The following PDE4D variants were observed in gnomAD, a reference collection of about 807,000 sequenced individuals.
The protein encoded by PDE4D is phosphodiesterase 4D.
In PDE4D, 24 loss-of-function variants were observed where a neutral mutation model predicts 87.4. The ratio of observed to expected loss-of-function variants is 0.27; its 90% CI spans 0.20 to 0.39. PDE4D has a LOEUF of 0.39. Ranked by LOEUF, PDE4D falls within the 10% of genes least tolerant of loss-of-function variation. The pLI is 1.00. For synonymous variants in PDE4D, 384 were observed against 383.2 expected (o/e 1.00, Z -0.02); for missense variants, 714 against 1,041.0 (o/e 0.69, Z 4.32).
chr5:59,883,386 G>A (rs372149287), intron 1 of PDE4D, among the ~76,000 whole-genome samples: 1 of 152,150 alleles, frequency 6.6e-6, no homozygotes, highest in Non-Finnish European at 1.5e-5. Context: ...GAAGAATGCA[G>A]CTTCTTTTAA....
chr5:59,252,537 T>TC (rs57348024), intron 1 of PDE4D, among the ~76,000 whole-genome samples: 4 of 151,464 alleles, frequency 2.6e-5, no homozygotes, highest in Admixed American at 1.3e-4. Flanking sequence ...GTTTTTTTTT[T>TC]CCCCGAGATG....
intron 6 of PDE4D, 90 bp from the exon 7 acceptor site, chr5:58,993,555 C>A: frequency 1.3e-6 from 1 of 775,610 alleles, no homozygotes; most frequent in Non-Finnish European, 2.1e-6. Context: ...AAGATATGCC[C>A]AAAGAATTTT....
intron 1 of PDE4D, among the ~76,000 whole-genome samples, chr5:59,346,091 GAAATA>G (rs148977895): frequency 0.12 from 18,197 of 152,028 alleles, 1,258 homozygotes; most frequent in East Asian, 0.21. Flanking sequence ...AATATTGACT[GAAATA>G]AAATAAGAGT....
intron 1 of PDE4D, among the ~76,000 whole-genome samples, chr5:60,198,487 T>C (rs1741540735): frequency 6.6e-6 from 1 of 151,628 alleles, no homozygotes; most frequent in Admixed American, 6.6e-5. Flanking sequence ...AGAAACTACT[T>C]AACCCTTTTG....
In PDE4D at chr5:59,893,240, AC is replaced by A; in HGVS notation, c.382del (p.Val128TrpfsTer9). Reference protein sequence around the residue: ...CRAMDRTSYAVETGHRPGLKK... With the variant: ...CRAMDRTSYAXETGHRPGLKK... ...CAGGCCGGGCCGGTGGCCGGTCTCC[AC>A]CGCGTAGGAGGTGCGGTCCATGGCG... On this transcript the variant is annotated frameshift_variant, in exon 1 of 15. Transcript: ENST00000340635. LOFTEE classifies it high-confidence loss of function. The A allele has an allele frequency of 6.4e-7, 1 of 1,556,728 alleles. No homozygotes were observed. Among genetic ancestry groups the A allele is most frequent in the Non-Finnish European group, 8.7e-7 (1 of 1,149,936 alleles).
chr5:59,390,655 C>T (rs1390807696), intron 1 of PDE4D, among the ~76,000 whole-genome samples: 1 of 151,992 alleles, frequency 6.6e-6, no homozygotes, highest in Admixed American at 6.6e-5. Context: ...AAAGAGAAGA[C>T]ATCGGTTCAG....
intron 1 of PDE4D, among the ~76,000 whole-genome samples, chr5:59,808,498 G>T (rs150742022): frequency 1.3e-5 from 2 of 152,248 alleles, no homozygotes; most frequent in East Asian, 3.9e-4. Context: ...TAATAAACCA[G>T]CAGTACATTG....
rs551238315 is a variant in PDE4D at position 60,198,782 on chromosome 5, A to G, written c.-89-13095T>C. Among the ~76,000 whole-genome samples, 188 of 151,800 alleles carry G rather than the reference A, an allele frequency of 1.2e-3. 1 individual carries two copies. Among genetic ancestry groups the G allele is most frequent in the African/African-American group, 4.4e-3 (181 of 41,538 alleles). ...AAAATTTATTGTATAACCTGGTGGC[A>G]TAGTGAGAAGCCTTGAATTTGGCTT... On this transcript the variant is annotated intron_variant, in intron 1 of 16. Coordinates refer to the PDE4D transcript ENST00000502484.
chr5:59,624,593 T>TG (rs1830691288), intron 1 of PDE4D, among the ~76,000 whole-genome samples: 1 of 152,224 alleles, frequency 6.6e-6, no homozygotes, highest in South Asian at 2.1e-4. Flanking sequence ...AGCAGACTGA[T>TG]GCACAGAGGA....
chr5:60,107,412 C>A (rs1189431336), intron 2 of PDE4D, among the ~76,000 whole-genome samples: 3 of 152,156 alleles, frequency 2.0e-5, no homozygotes, highest in Non-Finnish European at 2.9e-5. Flanking sequence ...GATTCACAGC[C>A]GAATTCTACC....
intron 1 of PDE4D, among the ~76,000 whole-genome samples, chr5:59,830,916 T>G (rs1741098792): frequency 1.3e-5 from 2 of 152,076 alleles, no homozygotes; most frequent in Admixed American, 1.3e-4. Context: ...TTTTAATGGT[T>G]AAGAAACTAT....
chr5:59,284,128 C>T (rs1272735654), intron 1 of PDE4D, among the ~76,000 whole-genome samples: 2 of 152,176 alleles, frequency 1.3e-5, no homozygotes, highest in Non-Finnish European at 2.9e-5. Flanking sequence ...TTTTACCCCT[C>T]TTTTTGATCA....
At chr5:59,693,004 C>G (rs544653840) in intron 1 of PDE4D, among the ~76,000 whole-genome samples, 103 of 152,010 alleles carry the variant, frequency 6.8e-4, no homozygotes, top group Admixed American at 1.0e-3. Flanking sequence ...ATAGTATGAG[C>G]AAGAAAAGTT....
chr5:59,493,443 G>A (rs1378991403), intron 1 of PDE4D, among the ~76,000 whole-genome samples: 3 of 152,232 alleles, frequency 2.0e-5, no homozygotes, highest in African/African-American at 7.2e-5. Flanking sequence ...TTGGTAAACA[G>A]TTCAATATAC....
chr5:59,573,504 T>C (rs1822233191), intron 1 of PDE4D, among the ~76,000 whole-genome samples: 1 of 152,114 alleles, frequency 6.6e-6, no homozygotes, highest in African/African-American at 2.4e-5. Flanking sequence ...TACCCGCAGT[T>C]CTCAGCCTTC....
chr5:59,680,681 T>C (rs1748854416), intron 1 of PDE4D, among the ~76,000 whole-genome samples: 1 of 152,166 alleles, frequency 6.6e-6, no homozygotes, highest in Non-Finnish European at 1.5e-5. Context: ...AATACTTTTC[T>C]TTGCCTTACT....
intron 1 of PDE4D, among the ~76,000 whole-genome samples, chr5:59,252,478 T>C: frequency 6.6e-6 from 1 of 152,084 alleles, no homozygotes. Context: ...GTAAATCTTA[T>C]TTTCTAATAA....
intron 1 of PDE4D, chr5:59,768,153 G>A (rs1251952917): frequency 7.0e-7 from 1 of 1,426,868 alleles, no homozygotes. Flanking sequence ...AATGATGATG[G>A]TCCTCCCTCC....
intron 1 of PDE4D, among the ~76,000 whole-genome samples, chr5:59,732,856 A>G (rs959827302): frequency 1.3e-5 from 2 of 152,166 alleles, no homozygotes; most frequent in African/African-American, 4.8e-5. Flanking sequence ...GTTGTGAATA[A>G]TAACCCCATG....
Sources: allele counts gnomAD v4.1 joint callset (sites outside exome capture counted in the v4.1 genomes callset), GRCh38; gene constraint gnomAD v4.1.1; transcripts MANE v1.5; gene names NCBI Gene and HGNC (gene_info 2026-07-23, HGNC 2026-07-21).